The following CELF4 variants were observed in gnomAD, a reference collection of about 807,000 sequenced individuals.
The protein encoded by CELF4 is CUG-BP- and ETR-3-like factor 4.
Under a neutral mutation model 59.9 loss-of-function variants are expected in CELF4, and 18 were observed. The observed-to-expected ratio is 0.30, with a 90% CI of 0.21 to 0.45. The LOEUF (loss-of-function observed/expected upper bound fraction) is 0.45. Ranked by LOEUF, CELF4 falls within the 20% of genes least tolerant of loss-of-function variation. The probability of loss-of-function intolerance (pLI) is 1.00; values close to 1 mark genes in which losing one functional copy is unlikely to be tolerated. For missense variants in CELF4, 456 were observed against 689.0 expected (o/e 0.66, Z 3.79); for synonymous variants, 261 against 267.1 (o/e 0.98, Z 0.22).
intron 3 of CELF4, among the ~76,000 whole-genome samples, chr18:37,319,341 C>T (rs1424007258): frequency 3.3e-5 from 5 of 152,234 alleles, no homozygotes; most frequent in African/African-American, 1.2e-4. Flanking sequence ...GCATCTCTAA[C>T]CCTCAACCAA....
intron 2 of CELF4, among the ~76,000 whole-genome samples, chr18:37,455,945 G>T (rs2099776997): frequency 6.6e-6 from 1 of 152,162 alleles, no homozygotes; most frequent in Admixed American, 6.5e-5. Context: ...CCTGAGGGCT[G>T]GGCTCACTCT....
intron 2 of CELF4, among the ~76,000 whole-genome samples, chr18:37,468,418 G>T (rs1461229346): frequency 6.6e-6 from 1 of 152,172 alleles, no homozygotes; most frequent in African/African-American, 2.4e-5. Context: ...CAGGGCAGGG[G>T]TTGGGAAGCC....
chr18:37,355,545 T>G (rs2098549061), intron 2 of CELF4, among the ~76,000 whole-genome samples: 2 of 151,872 alleles, frequency 1.3e-5, no homozygotes, highest in South Asian at 4.2e-4. Flanking sequence ...CAGGGGTGCA[T>G]ACCTGTAATC....
rs560286279 is a variant in CELF4, at chr18:37,471,224, G to T, written c.369+14301C>A. On this transcript the variant is annotated intron_variant, in intron 2 of 12. Transcript: ENST00000420428. ...GCTCCTGGAAAGGGGGACTGAGGCAGGCTCTCCACTGGCCTCAGCTCCTGT... is the reference window on the plus strand; with the variant it reads ...GCTCCTGGAAAGGGGGACTGAGGCATGCTCTCCACTGGCCTCAGCTCCTGT... Among the ~76,000 whole-genome samples, 7 of 152,230 alleles carry T rather than the reference G, an allele frequency of 4.6e-5. No homozygotes were observed. The South Asian group carries it at 1.5e-3, about 32-fold the overall frequency.
chr18:37,344,122 G>T lies in CELF4; in HGVS notation c.370-22241C>A, dbSNP rs1041006350. On this transcript the variant is annotated intron_variant, in intron 2 of 12. Transcript: ENST00000420428. ...GCTCCACACTGTTCATCCACTGCTG[G>T]CTTGATGTGGCTCATTCAGGAGCCT... Among the ~76,000 whole-genome samples the T allele has an allele frequency of 2.0e-5, 3 of 152,228 alleles. No homozygotes were observed. In the East Asian group the frequency reaches 5.8e-4, roughly 29 times the overall value.
intron 2 of CELF4, among the ~76,000 whole-genome samples, chr18:37,420,948 A>G (rs2099574192): frequency 6.6e-6 from 1 of 152,176 alleles, no homozygotes; most frequent in African/African-American, 2.4e-5. Flanking sequence ...TTCCCATCCA[A>G]TTCAGGTAAG....
At chr18:37,321,765 A>AG (rs2097130501) in intron 3 of CELF4, 38 bp downstream of exon 3, 3 of 1,421,664 alleles carry the variant, frequency 2.1e-6, no homozygotes, top group Non-Finnish European at 2.9e-6. Flanking sequence ...GAGGAGTGAG[A>AG]GGGGGAGGGG....
At chr18:37,301,759 G>A (rs1288018765) in intron 3 of CELF4, among the ~76,000 whole-genome samples, 4 of 152,142 alleles carry the variant, frequency 2.6e-5, no homozygotes, top group South Asian at 2.1e-4. Flanking sequence ...GGCCTCACTC[G>A]GCTAATGGCT....
chr18:37,421,137 A>G (rs1004814472), intron 2 of CELF4, among the ~76,000 whole-genome samples: 1 of 152,048 alleles, frequency 6.6e-6, no homozygotes. Flanking sequence ...GCCCATTCAC[A>G]TACTGCCAAG....
intron 3 of CELF4, among the ~76,000 whole-genome samples, chr18:37,308,027 C>A (rs2096502739): frequency 6.6e-6 from 1 of 151,948 alleles, no homozygotes; most frequent in African/African-American, 2.4e-5. Flanking sequence ...CTGGGCAGGG[C>A]AGGGATGGCT....
At chr18:37,516,751 G>T (rs2099951036) in intron 1 of CELF4, among the ~76,000 whole-genome samples, 1 of 152,212 alleles carries the variant, frequency 6.6e-6, no homozygotes, top group South Asian at 2.1e-4. Context: ...CCCTTGTGTA[G>T]CTGGCTCTGA....
chr18:37,264,361 G>A (rs1192037631), intron 10 of CELF4, among the ~76,000 whole-genome samples: 1 of 152,254 alleles, frequency 6.6e-6, no homozygotes, highest in African/African-American at 2.4e-5. Flanking sequence ...TGTCAGGCCA[G>A]CAGCAATGAT....
chr18:37,379,263 G>T (rs911814343), intron 2 of CELF4, among the ~76,000 whole-genome samples: 1 of 152,136 alleles, frequency 6.6e-6, no homozygotes, highest in Non-Finnish European at 1.5e-5. Flanking sequence ...TCTTCACTCT[G>T]TTTTTCCCCT....
At chr18:37,552,904 G>A (rs1484187356) in intron 1 of CELF4, among the ~76,000 whole-genome samples, 2 of 152,196 alleles carry the variant, frequency 1.3e-5, no homozygotes, top group African/African-American at 2.4e-5. Context: ...TCTAAGGCCT[G>A]AGCTGCTGTT....
chr18:37,470,836 CTGTGTGTGTGTGTGTGTGTG>C lies in CELF4; in HGVS notation c.369+14669_369+14688del, dbSNP rs71381583. Among the ~76,000 whole-genome samples, 122 of 93,196 alleles carry C rather than the reference CTGTGTGTGTGTGTGTGTGTG, an allele frequency of 1.3e-3. 1 individual carries two copies. The highest frequency in any genetic ancestry group is 4.4e-3 in the African/African-American group (101 of 23,008). 61.1% of individuals were successfully genotyped at this position (93,196 alleles called of 152,430 possible). A position where few individuals can be genotyped will look rare whatever the true frequency, so the allele number is the denominator to read the frequency against. The stretch of plus-strand genomic sequence containing the variant: ...AGGCAGATCCTGACTCTTCATGACT[CTGTGTGTGTGTGTGTGTGTG>C]TGTGTGTGTGTGTGTGTGTGTGTGT... On this transcript the variant is annotated intron_variant, in intron 2 of 12. Transcript: ENST00000420428.
chr18:37,554,574 C>CCAT lies in CELF4; in HGVS notation c.286+10781_286+10782insATG, dbSNP rs2099984224. 3.3e-5 allele frequency among the ~76,000 whole-genome samples: 5 copies of CCAT among 152,268 alleles called. No homozygotes were observed. In the South Asian group the frequency reaches 1.0e-3, roughly 32 times the overall value. On this transcript the variant is annotated intron_variant, in intron 1 of 12. Coordinates refer to ENST00000420428, the MANE Select transcript of CELF4 (RefSeq NM_020180.4). Reference sequence around the variant, plus strand: ...GCCCCTTTCTTATTCATCATCATGCCCAGCATGGGGCCTGGACTCTAAGGC... The same window carrying CCAT: ...GCCCCTTTCTTATTCATCATCATGCCCATCAGCATGGGGCCTGGACTCTAAGGC...
At chr18:37,326,552 G>A (rs936605312) in intron 2 of CELF4, among the ~76,000 whole-genome samples, 4 of 152,200 alleles carry the variant, frequency 2.6e-5, no homozygotes, top group Non-Finnish European at 4.4e-5. Flanking sequence ...TTCAGTTGGT[G>A]TCTTCCTCCA....
chr18:37,452,424 G>T (rs2099766646), intron 2 of CELF4, among the ~76,000 whole-genome samples: 1 of 152,210 alleles, frequency 6.6e-6, no homozygotes, highest in African/African-American at 2.4e-5. Context: ...GGACCCAGAG[G>T]CCTGTGGCTG....
intron 2 of CELF4, among the ~76,000 whole-genome samples, chr18:37,411,893 A>T (rs958542511): frequency 1.3e-5 from 2 of 152,218 alleles, no homozygotes; most frequent in Non-Finnish European, 2.9e-5. Context: ...AGGGGCTCCT[A>T]GCCACTGTTT....
Sources: allele counts gnomAD v4.1 joint callset (sites outside exome capture counted in the v4.1 genomes callset), GRCh38; gene constraint gnomAD v4.1.1; transcripts MANE v1.5; gene names NCBI Gene and HGNC (gene_info 2026-07-23, HGNC 2026-07-21).